Variants in UNC13C observed in about 807,000 individuals in gnomAD.
The protein encoded by UNC13C is protein unc-13 homolog C.
Under a neutral mutation model 245.4 loss-of-function variants are expected in UNC13C, and 174 were observed. The ratio of observed to expected loss-of-function variants is 0.71; its 90% CI spans 0.63 to 0.80. The LOEUF (loss-of-function observed/expected upper bound fraction) is 0.80, where lower values mean the gene tolerates loss of function less well. UNC13C is among the 30% of genes least tolerant of loss of function. The probability of loss-of-function intolerance (pLI) is 0.00; values close to 1 mark genes in which losing one functional copy is unlikely to be tolerated. For synonymous variants in UNC13C, 992 were observed against 895.1 expected (o/e 1.11, Z -1.93); for missense variants, 2,829 against 2,602.9 (o/e 1.09, Z -1.89).
chr15:54,440,255 C>A (rs1020788658), intron 19 of UNC13C, among the ~76,000 whole-genome samples: 1 of 151,910 alleles, frequency 6.6e-6, no homozygotes, highest in Non-Finnish European at 1.5e-5. Context: ...GAGGCCTTCC[C>A]ACTTTACAGA....
chr15:54,497,540 T>C (rs182512942), intron 20 of UNC13C, among the ~76,000 whole-genome samples: 24 of 152,116 alleles, frequency 1.6e-4, no homozygotes, highest in Admixed American at 4.6e-4. Flanking sequence ...GATGCCTAAT[T>C]TACCTATGTG....
chr15:54,126,946 T>G (rs539579361), intron 2 of UNC13C, among the ~76,000 whole-genome samples: 1 of 152,144 alleles, frequency 6.6e-6, no homozygotes, highest in Non-Finnish European at 1.5e-5. Flanking sequence ...CCAATAGTTA[T>G]ATGAAAAAAG....
At chr15:53,895,624 C>A in the UNC13C span, among the ~76,000 whole-genome samples, 2 of 152,116 alleles carry the variant, frequency 1.3e-5, no homozygotes, top group South Asian at 4.1e-4. Flanking sequence ...GTTTTCTATT[C>A]TCCAGCTGTC....
In UNC13C at chr15:54,498,096, A is replaced by T. The variant is rs547013573; in HGVS notation, c.5061-1983A>T. ...GAAGTTTGAAAAATCTGAATAAAAC[A>T]TTTAGAGATATCTATCTATATAGGT... On this transcript the variant is annotated intron_variant, in intron 20 of 32. Transcript: ENST00000260323. Among the ~76,000 whole-genome samples, 262 of 152,272 alleles carry T rather than the reference A, an allele frequency of 1.7e-3. 3 individuals carry two copies. The highest frequency in any genetic ancestry group is 6.0e-3 in the African/African-American group (248 of 41,580).
chr15:54,207,927 T>C (rs1035028072), intron 4 of UNC13C, among the ~76,000 whole-genome samples: 2 of 152,170 alleles, frequency 1.3e-5, no homozygotes, highest in African/African-American at 4.8e-5. Context: ...TCATAAGATT[T>C]ATTGTATGGC....
intron 13 of UNC13C, among the ~76,000 whole-genome samples, chr15:54,306,351 A>G (rs2037723650): frequency 6.6e-6 from 1 of 152,016 alleles, no homozygotes; most frequent in Admixed American, 6.6e-5. Context: ...AAATGCAACC[A>G]TCCATCTAAA....
intron 2 of UNC13C, among the ~76,000 whole-genome samples, chr15:54,107,942 T>G (rs1235747514): frequency 6.6e-6 from 1 of 152,194 alleles, no homozygotes; most frequent in Non-Finnish European, 1.5e-5. Flanking sequence ...ATTCTAAAAG[T>G]TATTGAAAAC....
At chr15:54,029,028 A>T (rs1041920907) in intron 2 of UNC13C, among the ~76,000 whole-genome samples, 3 of 152,232 alleles carry the variant, frequency 2.0e-5, no homozygotes, top group African/African-American at 7.2e-5. Flanking sequence ...TTTATGAGAA[A>T]TATTAATCAG....
At chr15:53,983,562 A>G (rs1448902008) in intron 1 of UNC13C, among the ~76,000 whole-genome samples, 1 of 152,162 alleles carries the variant, frequency 6.6e-6, no homozygotes, top group Non-Finnish European at 1.5e-5. Context: ...AACTTGCCAC[A>G]GTATTACTGG....
chr15:54,193,423 A>C (rs919972728), intron 4 of UNC13C, among the ~76,000 whole-genome samples: 1 of 152,054 alleles, frequency 6.6e-6, no homozygotes, highest in Admixed American at 6.6e-5. Flanking sequence ...TTCTTTCAAA[A>C]GTTTATCCTT....
chr15:54,378,910 A>C (rs186694509), intron 17 of UNC13C, among the ~76,000 whole-genome samples: 144 of 152,192 alleles, frequency 9.5e-4, no homozygotes, highest in African/African-American at 3.4e-3. Flanking sequence ...TAGAGTGCTC[A>C]AACACTTTGA....
intron 13 of UNC13C, among the ~76,000 whole-genome samples, chr15:54,314,277 A>C (rs72730893): frequency 0.01 from 1,563 of 151,888 alleles, 8 homozygotes; most frequent in Middle Eastern, 0.034. Flanking sequence ...TCTTGAAAAG[A>C]GCAAAGCGAA....
intron 19 of UNC13C, among the ~76,000 whole-genome samples, chr15:54,457,545 G>A (rs954967159): frequency 2.0e-5 from 3 of 151,848 alleles, no homozygotes; most frequent in African/African-American, 7.2e-5. Context: ...GACTATTTTA[G>A]TCTTGCTACT....
At chr15:54,292,781 TTGA>T (rs1158568684) in intron 10 of UNC13C, among the ~76,000 whole-genome samples, 1 of 151,226 alleles carries the variant, frequency 6.6e-6, no homozygotes, top group African/African-American at 2.4e-5. Flanking sequence ...TGTGGTTGTA[TTGA>T]TGACAAAAAT....
intron 30 of UNC13C, among the ~76,000 whole-genome samples, chr15:54,591,750 T>C (rs952971973): frequency 2.6e-5 from 4 of 152,234 alleles, no homozygotes; most frequent in Middle Eastern, 3.4e-3. Flanking sequence ...TTTTTTTTCA[T>C]TTATCTTTTG....
chr15:54,474,268 G>A (rs1409631624), intron 19 of UNC13C, among the ~76,000 whole-genome samples: 1 of 151,788 alleles, frequency 6.6e-6, no homozygotes, highest in Non-Finnish European at 1.5e-5. Flanking sequence ...TTTCCATAAT[G>A]GCTATACTAA....
chr15:54,585,821 A>T (rs1264784550), intron 30 of UNC13C, among the ~76,000 whole-genome samples: 3 of 152,230 alleles, frequency 2.0e-5, no homozygotes, highest in Non-Finnish European at 1.5e-5. Context: ...ACAAATTCTC[A>T]AGGTAAACAA....
chr15:54,629,527 G>A (rs1425665462), downstream of UNC13C: 1 of 152,122 alleles, frequency 6.6e-6, no homozygotes, highest in Non-Finnish European at 1.5e-5. Flanking sequence ...AGGAAAATAA[G>A]GATGAACTAA....
intron 10 of UNC13C, among the ~76,000 whole-genome samples, chr15:54,276,796 C>G (rs908301183): frequency 6.6e-6 from 1 of 152,048 alleles, no homozygotes; most frequent in African/African-American, 2.4e-5. Context: ...ACATTTGAGA[C>G]CATTTTTGAT....
Sources: gnomAD v4.1 joint callset for allele counts (sites outside exome capture counted in the v4.1 genomes callset) on GRCh38, gnomAD v4.1.1 for gene constraint, MANE v1.5 for transcripts, NCBI Gene and HGNC (gene_info 2026-07-23, HGNC 2026-07-21) for gene names.